Variants in ZMYM2 observed in about 807,000 individuals in gnomAD.
The protein encoded by ZMYM2 is zinc finger MYM-type containing 2.
In ZMYM2, 56 loss-of-function variants were observed where a neutral mutation model predicts 162.8. The observed-to-expected ratio is 0.34, with a 90% confidence interval of 0.28 to 0.43. The LOEUF (loss-of-function observed/expected upper bound fraction) is 0.43. Ranked by LOEUF, ZMYM2 falls within the 20% of genes least tolerant of loss-of-function variation. ZMYM2 has a pLI of 1.00. For synonymous variants in ZMYM2, 510 were observed against 541.6 expected (o/e 0.94, Z 0.81); for missense variants, 1,275 against 1,621.8 (o/e 0.79, Z 3.67).
intron 19 of ZMYM2, among the ~76,000 whole-genome samples, chr13:20,065,168 G>A (rs1296714984): frequency 6.6e-6 from 1 of 151,980 alleles, no homozygotes; most frequent in East Asian, 1.9e-4. Flanking sequence ...CATAAAGCAG[G>A]TTTTAAAAAT....
At chr13:19,958,478 C>T (rs551995493), upstream of ZMYM2, among the ~76,000 whole-genome samples, 2 of 148,262 alleles carry the variant, frequency 1.3e-5, no homozygotes, top group African/African-American at 4.9e-5. Context: ...GGCGGGGGAC[C>T]GGCGGGGAGG....
At chr13:20,069,744 A>G (rs1163504857) in intron 21 of ZMYM2, among the ~76,000 whole-genome samples, 1 of 151,880 alleles carries the variant, frequency 6.6e-6, no homozygotes, top group Non-Finnish European at 1.5e-5. Context: ...ATTTTTGCAG[A>G]TGTTCATAAG....
At chr13:19,890,507 A>AAAAAAAG in the ZMYM2 span, among the ~76,000 whole-genome samples, 1 of 149,550 alleles carries the variant, frequency 6.7e-6, no homozygotes, top group Non-Finnish European at 1.5e-5. Flanking sequence ...TGCTTTTGTA[A>AAAAAAAG]AAAAAAAAAA....
the ZMYM2 span, among the ~76,000 whole-genome samples, chr13:19,905,624 T>C: frequency 1.3e-5 from 2 of 152,070 alleles, no homozygotes; most frequent in African/African-American, 4.8e-5. Flanking sequence ...ACCCTAAACC[T>C]GCTTACCCTG....
At chr13:20,002,809 C>CA (rs1267342351) in intron 3 of ZMYM2, 41 bp from the exon 4 acceptor site, 1 of 1,591,512 alleles carries the variant, frequency 6.3e-7, no homozygotes, top group Non-Finnish European at 8.6e-7. Flanking sequence ...TATAAACAAA[C>CA]ACTTGTTTCA....
At chr13:20,051,929 C>G (rs1566402415) in intron 13 of ZMYM2, among the ~76,000 whole-genome samples, 1 of 152,118 alleles carries the variant, frequency 6.6e-6, no homozygotes, top group African/African-American at 2.4e-5. Flanking sequence ...TTATTTTTAG[C>G]AAATCGTATT....
At chr13:20,011,600 G>T in intron 6 of ZMYM2, among the ~76,000 whole-genome samples, 1 of 148,076 alleles carries the variant, frequency 6.8e-6, no homozygotes. Flanking sequence ...TTTGAGGGGT[G>T]AAGGAGTCTT....
rs557390180 is a variant in ZMYM2, at chr13:20,053,979, G to A, written c.2493+1668G>A. Among the ~76,000 whole-genome samples the A allele has an allele frequency of 3.9e-5, 6 of 152,262 alleles. No homozygotes were observed. In the East Asian group the frequency reaches 9.7e-4, roughly 25 times the overall value. On this transcript the variant is annotated intron_variant, in intron 14 of 24. Coordinates refer to ENST00000610343, the MANE Select transcript of ZMYM2 (RefSeq NM_197968.4). ...ATATTTATAAGGCAACTATTAGCAC[G>A]ATATTAAATATTTTTCTCCTCCTAC...
At chr13:19,887,573 A>C in the ZMYM2 span, among the ~76,000 whole-genome samples, 1 of 151,428 alleles carries the variant, frequency 6.6e-6, no homozygotes, top group Admixed American at 6.6e-5. Context: ...TATTTTCTTC[A>C]TTTATTTGTT....
chr13:19,867,629 CT>C, the ZMYM2 span, among the ~76,000 whole-genome samples: 68 of 148,432 alleles, frequency 4.6e-4, no homozygotes, highest in East Asian at 2.0e-3. Flanking sequence ...CAGTAGGATG[CT>C]TTTTTTTTTC....
chr13:19,954,200 C>T (rs903400432), upstream of ZMYM2, among the ~76,000 whole-genome samples: 2 of 131,260 alleles, frequency 1.5e-5, no homozygotes, highest in Non-Finnish European at 3.1e-5. Context: ...ACAATCTCGG[C>T]TCACTGCAAG....
At chr13:20,075,305 C>T (rs1345365351) in intron 21 of ZMYM2, among the ~76,000 whole-genome samples, 1 of 152,118 alleles carries the variant, frequency 6.6e-6, no homozygotes, top group Non-Finnish European at 1.5e-5. Flanking sequence ...AGGACTAAGT[C>T]TTATGAATGT....
chr13:19,960,369 C>T lies in ZMYM2; in HGVS notation c.-11+343C>T, dbSNP rs368983436. On this transcript the variant is annotated intron_variant, in intron 2 of 24. Transcript: ENST00000610343. ...TCCAAAATGGGAATTAAAGTTATTT[C>T]TTGTTGAATGCTGTGCATGCAACCT... Among the ~76,000 whole-genome samples the T allele has an allele frequency of 4.5e-4, 68 of 152,346 alleles. 3 individuals carry two copies. In the South Asian group the frequency reaches 0.014, roughly 31 times the overall value.
chr13:19,958,713 G>C (rs945119511), upstream of ZMYM2: 5 of 153,418 alleles, frequency 3.3e-5, no homozygotes, highest in African/African-American at 1.2e-4. Context: ...CCGCGCCGCC[G>C]CCTCCTCCGC....
chr13:19,982,345 TG>T (rs1957413115), intron 2 of ZMYM2, among the ~76,000 whole-genome samples: 1 of 134,078 alleles, frequency 7.5e-6, no homozygotes, highest in South Asian at 2.6e-4. Context: ...TGGAGTGCAG[TG>T]GCCTGATCTT....
At chr13:19,933,975 T>G in the ZMYM2 span, among the ~76,000 whole-genome samples, 14 of 152,204 alleles carry the variant, frequency 9.2e-5, no homozygotes, top group African/African-American at 3.1e-4. Flanking sequence ...TTACAATTAT[T>G]GTAATTACTT....
chr13:19,958,159 C>A (rs759263267), upstream of ZMYM2, among the ~76,000 whole-genome samples: 1 of 152,208 alleles, frequency 6.6e-6, no homozygotes, highest in Non-Finnish European at 1.5e-5. Flanking sequence ...GATTCCAGTT[C>A]ACCCGCGGTC....
chr13:20,086,656 T>C lies in ZMYM2; in HGVS notation c.*642T>C, dbSNP rs1470307109. On this transcript the variant is annotated 3_prime_UTR_variant, in exon 25 of 25. Coordinates refer to ENST00000610343, the MANE Select transcript of ZMYM2 (RefSeq NM_197968.4). ...TGTGAATCTATGCTGGTGAAAACAA[T>C]TTTTTGTTCCCCTTATTAAAACCTT... is the stretch of plus-strand genomic sequence containing the variant. 1 of 186,500 alleles carries C rather than the reference T, an allele frequency of 5.4e-6. No homozygotes were observed. Among genetic ancestry groups the C allele is most frequent in the Admixed American group, 6.2e-5 (1 of 16,058 alleles). The allele number at this position is 186,500 out of a possible 1,614,324, so 11.6% of individuals were successfully genotyped here. A position where few individuals can be genotyped will look rare whatever the true frequency, so the allele number is the denominator to read the frequency against.
At chr13:20,069,089 C>G (rs1179830480) in intron 21 of ZMYM2, among the ~76,000 whole-genome samples, 1 of 152,138 alleles carries the variant, frequency 6.6e-6, no homozygotes, top group African/African-American at 2.4e-5. Flanking sequence ...CCTGGCATTA[C>G]TTGCAAAATA....
Sources: allele counts gnomAD v4.1 joint callset (sites outside exome capture counted in the v4.1 genomes callset), GRCh38; gene constraint gnomAD v4.1.1; transcripts MANE v1.5; gene names NCBI Gene and HGNC (gene_info 2026-07-23, HGNC 2026-07-21).